The following QRFPR variants were observed in gnomAD, a reference collection of about 807,000 sequenced individuals.
The protein encoded by QRFPR is pyroglutamylated RF-amide peptide receptor.
A neutral mutation model predicts 31.3 loss-of-function variants in QRFPR; 37 were observed. The observed-to-expected ratio is 1.18, with a 90% CI of 0.91 to 1.56. QRFPR has a LOEUF of 1.56. QRFPR is among the 40% of genes most tolerant of loss of function. The probability of loss-of-function intolerance (pLI) is 0.00; values close to 1 mark genes in which losing one functional copy is unlikely to be tolerated. For synonymous variants in QRFPR, 197 were observed against 192.0 expected (o/e 1.03, Z -0.22); for missense variants, 542 against 532.5 (o/e 1.02, Z -0.18).
intron 4 of QRFPR, among the ~76,000 whole-genome samples, chr4:121,332,586 G>A (rs923695609): frequency 9.2e-5 from 14 of 152,166 alleles, no homozygotes; most frequent in African/African-American, 3.4e-4. Flanking sequence ...TAAATTCCAA[G>A]TCAGTTTCTA....
chr4:121,378,645 G>T (rs1242695289), intron 1 of QRFPR, among the ~76,000 whole-genome samples: 2 of 151,908 alleles, frequency 1.3e-5, no homozygotes, highest in South Asian at 2.1e-4. Flanking sequence ...GAATGGTCTC[G>T]ATCTCATGAC....
At chr4:121,355,258 G>C (rs1725843884) in intron 1 of QRFPR, among the ~76,000 whole-genome samples, 1 of 152,054 alleles carries the variant, frequency 6.6e-6, no homozygotes, top group South Asian at 2.1e-4. Flanking sequence ...TTTGTTGCTG[G>C]TCTATTCGGC....
intron 1 of QRFPR, among the ~76,000 whole-genome samples, chr4:121,367,080 TC>T (rs1344009179): frequency 6.7e-6 from 1 of 150,128 alleles, no homozygotes; most frequent in Non-Finnish European, 1.5e-5. Flanking sequence ...AGCAAGAATG[TC>T]AACAAGATAA....
At chr4:121,360,871 C>A (rs777614652) in intron 1 of QRFPR, among the ~76,000 whole-genome samples, 1 of 152,192 alleles carries the variant, frequency 6.6e-6, no homozygotes, top group African/African-American at 2.4e-5. Flanking sequence ...CAGAACTATT[C>A]ACATTTTCCA....
chr4:121,366,426 T>C (rs1048562533), intron 1 of QRFPR, among the ~76,000 whole-genome samples: 12 of 149,970 alleles, frequency 8.0e-5, no homozygotes, highest in African/African-American at 3.0e-4. Flanking sequence ...AGAAGTAACA[T>C]TTGTGTGACA....
chr4:121,375,000 C>T lies in QRFPR; in HGVS notation c.340+5308G>A, dbSNP rs75505310. ...TCCTCCCTCTGGCTGTGCCGGAATC[C>T]ACAGCAGGATGAAAGTGGATACAGA... On this transcript the variant is annotated intron_variant, in intron 1 of 5. Transcript: ENST00000394427. Among the ~76,000 whole-genome samples, 399 of 152,186 alleles carry T rather than the reference C, an allele frequency of 2.6e-3. 24 individuals carry two copies. In the East Asian group the frequency reaches 0.057, roughly 22 times the overall value.
chr4:121,354,251 C>T (rs1045353439), intron 1 of QRFPR, among the ~76,000 whole-genome samples: 1 of 151,914 alleles, frequency 6.6e-6, no homozygotes, highest in Non-Finnish European at 1.5e-5. Context: ...TGAAGAATGC[C>T]ATTGATATTG....
At chr4:121,340,357 G>T in intron 2 of QRFPR, 95 bp downstream of exon 2, 1 of 1,311,268 alleles carries the variant, frequency 7.6e-7, no homozygotes, top group Non-Finnish European at 1.1e-6. Flanking sequence ...CTACAAGTTA[G>T]ATAAGAAGCT....
chr4:121,355,995 A>T (rs1725862098), intron 1 of QRFPR, among the ~76,000 whole-genome samples: 1 of 152,100 alleles, frequency 6.6e-6, no homozygotes, highest in Non-Finnish European at 1.5e-5. Context: ...CATAGCCTAG[A>T]GAGTGTTCCA....
rs575353628 is a variant in QRFPR, at chr4:121,365,351, G to A, written c.340+14957C>T. 7.9e-4 allele frequency among the ~76,000 whole-genome samples: 112 copies of A among 141,442 alleles called. 3 individuals carry two copies. The highest frequency in any genetic ancestry group is 2.9e-3 in the African/African-American group (107 of 36,938). 92.8% of individuals were successfully genotyped at this position (141,442 alleles called of 152,430 possible). A position where few individuals can be genotyped will look rare whatever the true frequency, so the allele number is the denominator to read the frequency against. On this transcript the variant is annotated intron_variant, in intron 1 of 5. Coordinates refer to ENST00000394427, the MANE Select transcript of QRFPR (RefSeq NM_198179.3). Reference sequence around the variant, plus strand: ...CGCCTGTAGTCCCAGCTACTCGGGAGGCTGAGGCAGGAGAATGGTGTGAAC... The same window carrying A: ...CGCCTGTAGTCCCAGCTACTCGGGAAGCTGAGGCAGGAGAATGGTGTGAAC...
At position 121,340,588 on chromosome 4, in the gene QRFPR, C is replaced by G. The variant is rs1302689759; in HGVS notation, c.363G>C (p.Val121=). The G allele has an allele frequency of 6.2e-7, 1 of 1,613,678 alleles. No individual in the cohort carries two copies. The highest frequency in any genetic ancestry group is 1.7e-5 in the Admixed American group (1 of 59,964). ...WLGGAFICKM[V]PFVQSTAVVT... ...CAACAGCGGTAGACTGGACAAATGG[C>G]ACCATCTTGCAAATGAAAGCACCTG... is the stretch of plus-strand genomic sequence containing the variant. The change falls in exon 2 of 6, where the codon GTG becomes GTC. Residue 121 remains valine (V), a synonymous_variant. Transcript: ENST00000394427.
intron 1 of QRFPR, among the ~76,000 whole-genome samples, chr4:121,360,768 C>T (rs1725973268): frequency 6.6e-6 from 1 of 152,180 alleles, no homozygotes; most frequent in Non-Finnish European, 1.5e-5. Flanking sequence ...CTCCTTAACA[C>T]AGCACTAGAA....
chr4:121,361,254 A>T (rs554094670), intron 1 of QRFPR, among the ~76,000 whole-genome samples: 1 of 150,090 alleles, frequency 6.7e-6, no homozygotes, highest in Non-Finnish European at 1.5e-5. Flanking sequence ...TTTGAATCAG[A>T]TGGATCCAGT....
intron 1 of QRFPR, among the ~76,000 whole-genome samples, chr4:121,346,953 T>G (rs72668970): frequency 0.027 from 4,061 of 152,298 alleles, 82 homozygotes; most frequent in Middle Eastern, 0.075. Context: ...TGTGTGCCCA[T>G]GTTCATAAGA....
Position 121,369,675 on chromosome 4 carries a change from G to A in QRFPR, c.340+10633C>T. 7.6e-6 allele frequency: 12 copies of A among 1,582,514 alleles called. 1 individual carries two copies. Among genetic ancestry groups the A allele is most frequent in the Non-Finnish European group, 1.0e-5 (12 of 1,152,958 alleles). ...TTCTGAAGGGATCTCAGTCCAAAGA[G>A]GCCCCACTTATCTGACAAGTTTCTG... On this transcript the variant is annotated intron_variant, in intron 1 of 5. Coordinates refer to ENST00000394427, the MANE Select transcript of QRFPR (RefSeq NM_198179.3).
rs1026958683 is a variant in QRFPR at position 121,328,763 on chromosome 4, A to AT, written c.*550dup. 6.6e-6 allele frequency among the ~76,000 whole-genome samples: 1 copy of AT among 151,958 alleles called. No individual in the cohort carries two copies. The highest frequency in any genetic ancestry group is 2.1e-4 in the South Asian group (1 of 4,818). ...TATGGTTTACGAATTTTTCAAAAAA[A>AT]TTTTTTTTGAGACGGGGAGTCTCGC... On this transcript the variant is annotated 3_prime_UTR_variant, in exon 6 of 6. Transcript: ENST00000394427.
chr4:121,351,615 A>C (rs1725761944), intron 1 of QRFPR, among the ~76,000 whole-genome samples: 1 of 152,166 alleles, frequency 6.6e-6, no homozygotes, highest in South Asian at 2.1e-4. Context: ...ATGTTAAAAT[A>C]ACCCATCATG....
intron 1 of QRFPR, among the ~76,000 whole-genome samples, chr4:121,357,317 C>T (rs1000093056): frequency 6.6e-6 from 1 of 151,844 alleles, no homozygotes; most frequent in South Asian, 2.1e-4. Flanking sequence ...ACCTGAGATC[C>T]TAAGAGAGAG....
rs1184270173 is a variant in QRFPR at position 121,329,356 on chromosome 4, C to G, written c.1254G>C (p.Arg418Ser). 2 of 1,613,910 alleles carry G rather than the reference C, an allele frequency of 1.2e-6. No individual in the cohort carries two copies. The highest frequency in any genetic ancestry group is 3.3e-5 in the Admixed American group (2 of 59,996). ...AAGGAGAATTCTCAGCCAGTTCAGA[C>G]CTAAAGAGAGCAAGATGTCGTTTGA... ...KKLKRHLALF[R>S]SELAENSPLD... is the part of the protein sequence containing the mutation. Residue 418 changes from arginine (R) to serine (S), a missense_variant, in exon 6 of 6, where the codon AGG becomes AGC. Transcript: ENST00000394427.
Sources: gnomAD v4.1 joint callset for allele counts (sites outside exome capture counted in the v4.1 genomes callset) on GRCh38, gnomAD v4.1.1 for gene constraint, MANE v1.5 for transcripts, NCBI Gene and HGNC (gene_info 2026-07-23, HGNC 2026-07-21) for gene names.